MAGI2: variants seen among roughly 807,000 people sequenced by gnomAD.
The protein encoded by MAGI2 is membrane associated guanylate kinase, WW and PDZ domain containing 2, also known as membrane-associated guanylate kinase, WW and PDZ domain-containing protein 2.
A neutral mutation model predicts 133.3 loss-of-function variants in MAGI2; 35 were observed. The observed-to-expected ratio is 0.26, with a 90% CI of 0.20 to 0.35. The LOEUF is 0.35. Among genes scored for constraint, MAGI2 ranks in the 10% least tolerant of loss-of-function variants. The pLI is 1.00. For synonymous variants in MAGI2, 729 were observed against 710.6 expected (o/e 1.03, Z -0.41); for missense variants, 1,636 against 1,863.4 (o/e 0.88, Z 2.25).
At chr7:78,323,031 C>A (rs1788174961) in intron 9 of MAGI2, among the ~76,000 whole-genome samples, 1 of 139,392 alleles carries the variant, frequency 7.2e-6, no homozygotes, top group African/African-American at 2.8e-5. Flanking sequence ...ATGTGTTCAT[C>A]CAATGAAGAG....
At chr7:78,778,904 CTTTTTT>C (rs71085566) in intron 2 of MAGI2, among the ~76,000 whole-genome samples, 1 of 118,456 alleles carries the variant, frequency 8.4e-6, no homozygotes, top group Non-Finnish European at 1.7e-5. Context: ...CCTTTTCAGC[CTTTTTT>C]TTTTTTTTTT....
rs1306410884 is a variant in MAGI2, at chr7:78,017,197, TTC to T, written c.*2116_*2117del. The T allele has an allele frequency of 6.6e-6, 1 of 152,634 alleles. No individual in the cohort carries two copies. 9.5% of individuals were successfully genotyped at this position (152,634 alleles called of 1,614,324 possible). A position where few individuals can be genotyped will look rare whatever the true frequency, so the allele number is the denominator to read the frequency against. On this transcript the variant is annotated 3_prime_UTR_variant, in exon 22 of 22. Transcript: ENST00000354212. ...AAAAATAGTTGCTCACTTACAGTCT[TTC>T]TGTGACTATTAATACATGGAATTAT...
intron 6 of MAGI2, among the ~76,000 whole-genome samples, chr7:78,408,305 T>C (rs1284825682): frequency 6.6e-6 from 1 of 152,048 alleles, no homozygotes; most frequent in Non-Finnish European, 1.5e-5. Context: ...CAAAGATCTG[T>C]CAGCAATTTT....
intron 1 of MAGI2, among the ~76,000 whole-genome samples, chr7:79,250,810 A>G (rs2129555647): frequency 6.6e-6 from 1 of 152,350 alleles, no homozygotes; most frequent in South Asian, 2.1e-4. Context: ...CAAAAAGAAC[A>G]AAACTGGAGG....
chr7:78,517,292 T>C (rs1015587989), intron 4 of MAGI2, among the ~76,000 whole-genome samples: 7 of 152,176 alleles, frequency 4.6e-5, no homozygotes, highest in Non-Finnish European at 8.8e-5. Flanking sequence ...ATGAGCCTAG[T>C]AAAAGACAAA....
chr7:78,271,784 G>C (rs1794604955), intron 9 of MAGI2, among the ~76,000 whole-genome samples: 1 of 152,020 alleles, frequency 6.6e-6, no homozygotes, highest in Non-Finnish European at 1.5e-5. Flanking sequence ...TATTTCTGTG[G>C]GATCGGTGGT....
At chr7:78,981,852 A>G (rs904508752) in intron 2 of MAGI2, among the ~76,000 whole-genome samples, 1 of 151,920 alleles carries the variant, frequency 6.6e-6, no homozygotes, top group Non-Finnish European at 1.5e-5. Flanking sequence ...CACAAACTGA[A>G]GCATATATTT....
At chr7:79,198,158 T>A (rs1562986000) in intron 1 of MAGI2, among the ~76,000 whole-genome samples, 1 of 151,712 alleles carries the variant, frequency 6.6e-6, no homozygotes, top group African/African-American at 2.4e-5. Context: ...GAAGCTGAGG[T>A]TGGAAGATCA....
chr7:78,630,629 C>A (rs1440063320), intron 2 of MAGI2, among the ~76,000 whole-genome samples: 2 of 151,852 alleles, frequency 1.3e-5, no homozygotes, highest in South Asian at 2.1e-4. Flanking sequence ...GTTGGCCAGG[C>A]TGGTCTCAAT....
At chr7:78,732,797 T>TGTC (rs75270467) in intron 2 of MAGI2, among the ~76,000 whole-genome samples, 1 of 151,484 alleles carries the variant, frequency 6.6e-6, no homozygotes, top group Admixed American at 6.6e-5. Context: ...TGTGGATTTT[T>TGTC]TGTATTTTAA....
At chr7:78,077,416 A>G (rs902523406) in intron 21 of MAGI2, among the ~76,000 whole-genome samples, 2 of 150,426 alleles carry the variant, frequency 1.3e-5, no homozygotes, top group African/African-American at 4.9e-5. Flanking sequence ...ATATATATAT[A>G]TATTTAAAAA....
At chr7:78,037,898 G>C (rs1395404772) in intron 21 of MAGI2, among the ~76,000 whole-genome samples, 1 of 152,170 alleles carries the variant, frequency 6.6e-6, no homozygotes, top group East Asian at 1.9e-4. Flanking sequence ...GAAGCAGTAG[G>C]AACTAGTTCC....
chr7:78,798,541 T>C (rs1787801879), intron 2 of MAGI2, among the ~76,000 whole-genome samples: 1 of 152,124 alleles, frequency 6.6e-6, no homozygotes, highest in African/African-American at 2.4e-5. Context: ...TGCTGCTCCT[T>C]GTTCTTTTAT....
At position 79,429,036 on chromosome 7, in the gene MAGI2, T is replaced by C. The variant is rs760145510; in HGVS notation, c.301+23984A>G. Among the ~76,000 whole-genome samples, 48 of 152,258 alleles carry C rather than the reference T, an allele frequency of 3.2e-4. 1 individual carries two copies. The highest frequency in any genetic ancestry group is 8.3e-4 in the South Asian group (4 of 4,826). ...ATAACAGAAACAGCCTGTATATAACTTCTATATACTCTAGAAGTATATATA... is the reference window on the plus strand; with the variant it reads ...ATAACAGAAACAGCCTGTATATAACCTCTATATACTCTAGAAGTATATATA... On this transcript the variant is annotated intron_variant, in intron 1 of 21. Coordinates refer to ENST00000354212, the MANE Select transcript of MAGI2 (RefSeq NM_012301.4).
chr7:79,013,953 T>A (rs1808434952), intron 1 of MAGI2, among the ~76,000 whole-genome samples: 1 of 152,218 alleles, frequency 6.6e-6, no homozygotes, highest in Admixed American at 6.5e-5. Context: ...ATTTTATTCA[T>A]AATATTAGAG....
At position 79,338,237 on chromosome 7, in the gene MAGI2, AG is replaced by A. The variant is rs1483245909; in HGVS notation, c.301+114782del. Among the ~76,000 whole-genome samples, 3 of 152,264 alleles carry A rather than the reference AG, an allele frequency of 2.0e-5. No homozygotes were observed. In the South Asian group the frequency reaches 6.2e-4, roughly 32 times the overall value. On this transcript the variant is annotated intron_variant, in intron 1 of 21. Transcript: ENST00000354212. ...TGTTCTACATAGAGTTTGGAGAAGC[AG>A]GGGAAGCTTTGCTGTTGCAGGTGCA... is the stretch of plus-strand genomic sequence containing the variant.
At chr7:78,715,817 G>A (rs1026893489) in intron 2 of MAGI2, among the ~76,000 whole-genome samples, 2 of 61,208 alleles carry the variant, frequency 3.3e-5, no homozygotes, top group Non-Finnish European at 7.9e-5. Flanking sequence ...GTGCCAATAA[G>A]TACAGCCAAA....
intron 19 of MAGI2, among the ~76,000 whole-genome samples, chr7:78,126,704 C>T (rs1319393643): frequency 6.6e-6 from 1 of 152,218 alleles, no homozygotes; most frequent in Non-Finnish European, 1.5e-5. Flanking sequence ...AGGCGCTACA[C>T]TCTGGATTGT....
chr7:79,438,761 C>T (rs561083794), intron 1 of MAGI2, among the ~76,000 whole-genome samples: 4 of 152,168 alleles, frequency 2.6e-5, no homozygotes, highest in Admixed American at 1.3e-4. Context: ...GTACTCATGC[C>T]AAAACTTAAG....
Sources: gnomAD v4.1 joint callset for allele counts (sites outside exome capture counted in the v4.1 genomes callset) on GRCh38, gnomAD v4.1.1 for gene constraint, MANE v1.5 for transcripts, NCBI Gene and HGNC (gene_info 2026-07-23, HGNC 2026-07-21) for gene names.